NFATC2: variants seen among roughly 807,000 people sequenced by gnomAD.
NFATC2 encodes the protein nuclear factor of activated T cells 2, also known as nuclear factor of activated T-cells, cytoplasmic 2.
Under a neutral mutation model 87.3 loss-of-function variants are expected in NFATC2, and 22 were observed. The observed-to-expected ratio is 0.25, with a 90% CI of 0.18 to 0.36. The LOEUF is 0.36. Ranked by LOEUF, NFATC2 falls within the 10% of genes least tolerant of loss-of-function variation. The probability of loss-of-function intolerance (pLI) is 1.00; values close to 1 mark genes in which losing one functional copy is unlikely to be tolerated. For missense variants in NFATC2, 1,149 were observed against 1,259.1 expected (o/e 0.91, Z 1.32); for synonymous variants, 565 against 542.2 (o/e 1.04, Z -0.58).
chr20:51,514,941 C>T (rs1045462545), intron 3 of NFATC2, among the ~76,000 whole-genome samples: 26 of 152,190 alleles, frequency 1.7e-4, no homozygotes, highest in Admixed American at 1.2e-3. Context: ...CAGAAGACTG[C>T]GGTCCCCAAG....
intron 4 of NFATC2, 48 bp downstream of exon 4, chr20:51,475,410 T>G (rs1330318714): frequency 6.3e-7 from 1 of 1,597,338 alleles, no homozygotes; most frequent in Non-Finnish European, 8.6e-7. Flanking sequence ...ACCTGCCCCC[T>G]GCTCGCTTCT....
At chr20:51,530,538 C>T (rs1158948348) in intron 1 of NFATC2, among the ~76,000 whole-genome samples, 6 of 152,126 alleles carry the variant, frequency 3.9e-5, no homozygotes, top group Non-Finnish European at 7.3e-5. Context: ...GCACATACAA[C>T]GTCCTCACTG....
At chr20:51,464,849 T>G (rs1420354937) in intron 5 of NFATC2, among the ~76,000 whole-genome samples, 1 of 152,242 alleles carries the variant, frequency 6.6e-6, no homozygotes, top group Non-Finnish European at 1.5e-5. Context: ...ACCACTGGCT[T>G]GCCCCTCACT....
chr20:51,533,661 G>A (rs1033508662), intron 1 of NFATC2, among the ~76,000 whole-genome samples: 3 of 152,190 alleles, frequency 2.0e-5, no homozygotes, highest in Admixed American at 6.5e-5. Context: ...TTCCCCAGAC[G>A]GGGCTGAAAG....
intron 7 of NFATC2, 38 bp from the exon 8 acceptor site, chr20:51,435,352 A>T (rs1241114048): frequency 6.2e-7 from 1 of 1,613,500 alleles, no homozygotes. Flanking sequence ...AACTGCAATC[A>T]TGTCTCAGTT....
At chr20:51,420,797 A>T (rs1028419854) in intron 9 of NFATC2, among the ~76,000 whole-genome samples, 13 of 152,344 alleles carry the variant, frequency 8.5e-5, no homozygotes, top group African/African-American at 3.1e-4. Flanking sequence ...AGGAAGTATT[A>T]TTAATTTCCA....
intron 1 of NFATC2, among the ~76,000 whole-genome samples, chr20:51,554,765 G>A (rs2076963377): frequency 6.6e-6 from 1 of 152,174 alleles, no homozygotes; most frequent in South Asian, 2.1e-4. Context: ...ACTGAGTCAT[G>A]CTATTCCTGG....
At chr20:51,514,804 C>T (rs2076325522) in intron 3 of NFATC2, among the ~76,000 whole-genome samples, 1 of 152,160 alleles carries the variant, frequency 6.6e-6, no homozygotes, top group South Asian at 2.1e-4. Context: ...ACCCAGGAGG[C>T]AGAGGTTGCA....
At chr20:51,540,076 G>A (rs542006470) in intron 1 of NFATC2, among the ~76,000 whole-genome samples, 110 of 152,314 alleles carry the variant, frequency 7.2e-4, no homozygotes, top group African/African-American at 2.0e-3. Flanking sequence ...GTGCAATGGT[G>A]CCACCTGCCT....
At chr20:51,411,512 TTGTC>T (rs1171022234) in intron 9 of NFATC2, among the ~76,000 whole-genome samples, 3 of 145,218 alleles carry the variant, frequency 2.1e-5, no homozygotes, top group African/African-American at 5.2e-5. Flanking sequence ...AGCAATGCAA[TTGTC>T]TTTTTTTTTT....
intron 6 of NFATC2, among the ~76,000 whole-genome samples, chr20:51,444,466 A>G (rs1315477308): frequency 1.3e-5 from 2 of 152,114 alleles, no homozygotes; most frequent in East Asian, 3.9e-4. Context: ...CAAAGCAGCC[A>G]GGAAGCAGTA....
At chr20:51,504,110 C>T (rs2076136564) in intron 3 of NFATC2, among the ~76,000 whole-genome samples, 1 of 152,136 alleles carries the variant, frequency 6.6e-6, no homozygotes, top group African/African-American at 2.4e-5. Context: ...GCAACCTCCG[C>T]CTCCCGGGTT....
At chr20:51,540,212 C>A (rs1007456782) in intron 1 of NFATC2, among the ~76,000 whole-genome samples, 1 of 152,098 alleles carries the variant, frequency 6.6e-6, no homozygotes, top group East Asian at 1.9e-4. Context: ...GGGGTTTCAC[C>A]ATGTTGGCCA....
At chr20:51,419,775 G>T (rs1980605114) in intron 9 of NFATC2, among the ~76,000 whole-genome samples, 1 of 152,228 alleles carries the variant, frequency 6.6e-6, no homozygotes, top group African/African-American at 2.4e-5. Context: ...ATTCGAGAGG[G>T]ATTTCATGAT....
At chr20:51,461,153 A>G (rs967157423) in intron 5 of NFATC2, among the ~76,000 whole-genome samples, 1 of 152,008 alleles carries the variant, frequency 6.6e-6, no homozygotes, top group Non-Finnish European at 1.5e-5. Context: ...CTACTTCTCT[A>G]TTGCTCTCTG....
intron 1 of NFATC2, among the ~76,000 whole-genome samples, chr20:51,533,392 A>G (rs1450730086): frequency 6.6e-6 from 1 of 152,210 alleles, no homozygotes; most frequent in Non-Finnish European, 1.5e-5. Context: ...TACACCACCT[A>G]ACAGTAAGTA....
At chr20:51,498,106 G>A (rs934676122) in intron 3 of NFATC2, among the ~76,000 whole-genome samples, 1 of 152,152 alleles carries the variant, frequency 6.6e-6, no homozygotes, top group African/African-American at 2.4e-5. Context: ...AGACACGAGG[G>A]GCCGGGAAGC....
Position 51,435,702 on chromosome 20 carries a change from T to G in NFATC2, c.1905+4A>C. Reference sequence around the variant, plus strand: ...AGAGACACTCAGGTGCGTCACGTGCTTACGGGCTGGCTCTTGTCCTTATCC... The same window carrying G: ...AGAGACACTCAGGTGCGTCACGTGCGTACGGGCTGGCTCTTGTCCTTATCC... On this transcript the variant is annotated splice_donor_region_variant and intron_variant, in intron 7 of 10. Transcript: ENST00000371564. 1.2e-6 allele frequency: 2 copies of G among 1,609,034 alleles called. No individual in the cohort carries two copies. The highest frequency in any genetic ancestry group is 1.7e-6 in the Non-Finnish European group (2 of 1,177,608).
intron 3 of NFATC2, among the ~76,000 whole-genome samples, chr20:51,513,164 CAT>C (rs2146678494): frequency 6.6e-6 from 1 of 152,256 alleles, no homozygotes; most frequent in South Asian, 2.1e-4. Context: ...GTTTTTAAAT[CAT>C]ATATTGGATC....
Sources: allele counts gnomAD v4.1 joint callset (sites outside exome capture counted in the v4.1 genomes callset), GRCh38; gene constraint gnomAD v4.1.1; transcripts MANE v1.5; gene names NCBI Gene and HGNC (gene_info 2026-07-23, HGNC 2026-07-21).